Variants in SLC8A1 observed in about 807,000 individuals in gnomAD.
SLC8A1 encodes the protein solute carrier family 8 member A1.
A neutral mutation model predicts 68.3 loss-of-function variants in SLC8A1; 18 were observed. That is an observed-to-expected ratio of 0.26 (90% CI 0.18 to 0.39). SLC8A1 has a LOEUF of 0.39. Among genes scored for constraint, SLC8A1 ranks in the 10% least tolerant of loss-of-function variants. The pLI is 1.00. For synonymous variants in SLC8A1, 475 were observed against 415.5 expected (o/e 1.14, Z -1.74); for missense variants, 985 against 1,156.7 (o/e 0.85, Z 2.15).
chr2:40,313,481 G>A (rs1001154379), intron 2 of SLC8A1, among the ~76,000 whole-genome samples: 5 of 151,980 alleles, frequency 3.3e-5, no homozygotes, highest in Non-Finnish European at 5.9e-5. Flanking sequence ...TAAAAAAACG[G>A]TCTCCTAAGG....
intron 2 of SLC8A1, 67 bp from the exon 3 acceptor site, chr2:40,178,560 G>C (rs1371822201): frequency 7.3e-7 from 1 of 1,369,210 alleles, no homozygotes; most frequent in African/African-American, 1.4e-5. Flanking sequence ...ACATAGAGAA[G>C]AGGAAAGCAA....
chr2:40,408,015 A>G (rs1339566670), intron 2 of SLC8A1, among the ~76,000 whole-genome samples: 3 of 152,226 alleles, frequency 2.0e-5, no homozygotes, highest in Admixed American at 6.5e-5. Context: ...AGCATATCCC[A>G]TAAGTGATAA....
At chr2:40,227,078 G>T (rs2059076754) in intron 2 of SLC8A1, among the ~76,000 whole-genome samples, 1 of 151,958 alleles carries the variant, frequency 6.6e-6, no homozygotes, top group Admixed American at 6.6e-5. Flanking sequence ...TTTCCCCAGG[G>T]GATTTTCTTG....
At position 40,414,798 on chromosome 2, in the gene SLC8A1, G is replaced by T. The variant is rs997648883; in HGVS notation, c.1808+13675C>A. Among the ~76,000 whole-genome samples, 3 of 151,934 alleles carry T rather than the reference G, an allele frequency of 2.0e-5. 1 individual carries two copies. Among genetic ancestry groups the T allele is most frequent in the Admixed American group, 2.0e-4 (3 of 15,234 alleles). Reference sequence around the variant, plus strand: ...TAGCTAACTTGATTTGAATTAAATTGGTTTATGCCTACAGATCAATATTGT... The same window carrying T: ...TAGCTAACTTGATTTGAATTAAATTTGTTTATGCCTACAGATCAATATTGT... On this transcript the variant is annotated intron_variant, in intron 2 of 7. Coordinates refer to ENST00000406785, the Ensembl canonical transcript of SLC8A1.
chr2:40,123,146 G>C (rs886370100), intron 7 of SLC8A1: 40 of 152,184 alleles, frequency 2.6e-4, no homozygotes, highest in African/African-American at 9.7e-4. Context: ...ATGTTCACAG[G>C]TGTCCAAGAG....
intron 2 of SLC8A1, among the ~76,000 whole-genome samples, chr2:40,373,366 C>G (rs1678776995): frequency 6.6e-6 from 1 of 152,048 alleles, no homozygotes; most frequent in Non-Finnish European, 1.5e-5. Context: ...TAGATCATCA[C>G]AGTTGTGATT....
chr2:40,489,333 G>A (rs1339500991), intron 1 of SLC8A1, among the ~76,000 whole-genome samples: 1 of 152,078 alleles, frequency 6.6e-6, no homozygotes, highest in Non-Finnish European at 1.5e-5. Context: ...AAACCAAAAA[G>A]CATACGTGCA....
intron 2 of SLC8A1, among the ~76,000 whole-genome samples, chr2:40,342,269 T>C (rs1403477947): frequency 6.6e-6 from 1 of 152,166 alleles, no homozygotes; most frequent in African/African-American, 2.4e-5. Context: ...CTATATATAC[T>C]TAGCTCTGCA....
intron 2 of SLC8A1, among the ~76,000 whole-genome samples, chr2:40,347,754 C>T (rs529642712): frequency 5.9e-5 from 9 of 152,234 alleles, no homozygotes; most frequent in African/African-American, 1.7e-4. Flanking sequence ...GAAACAAACT[C>T]CAAGTTTTAA....
At chr2:40,294,441 G>T (rs1575139110) in intron 2 of SLC8A1, among the ~76,000 whole-genome samples, 1 of 152,058 alleles carries the variant, frequency 6.6e-6, no homozygotes, top group African/African-American at 2.4e-5. Context: ...CTAAGCTAGG[G>T]TTTGAATTCA....
intron 1 of SLC8A1, among the ~76,000 whole-genome samples, chr2:40,494,916 CT>C (rs199604606): frequency 0.017 from 2,504 of 151,408 alleles, 79 homozygotes; most frequent in African/African-American, 0.057. Flanking sequence ...TTATTTGCCC[CT>C]ATAACCCTAA....
chr2:40,115,417 T>C, exon 8 of SLC8A1: 1 of 1,614,076 alleles, frequency 6.2e-7, no homozygotes, highest in Non-Finnish European at 8.5e-7. Context: ...CCCACATTGA[T>C]GAAAGCAAAA....
At chr2:40,415,987 G>A (rs867457179) in intron 2 of SLC8A1, among the ~76,000 whole-genome samples, 25 of 150,642 alleles carry the variant, frequency 1.7e-4, no homozygotes, top group African/African-American at 3.9e-4. Flanking sequence ...GCTTGAACCC[G>A]GGAGGCGGAG....
intron 2 of SLC8A1, among the ~76,000 whole-genome samples, chr2:40,302,674 A>T (rs1169734848): frequency 6.6e-6 from 1 of 151,802 alleles, no homozygotes; most frequent in African/African-American, 2.4e-5. Flanking sequence ...ATGTTTTTGC[A>T]GTTGCAAATT....
At chr2:40,383,244 G>T (rs1401374322) in intron 2 of SLC8A1, among the ~76,000 whole-genome samples, 1 of 151,998 alleles carries the variant, frequency 6.6e-6, no homozygotes, top group East Asian at 1.9e-4. Flanking sequence ...ATTTGGAGAG[G>T]CTATTGTTTG....
intron 2 of SLC8A1, among the ~76,000 whole-genome samples, chr2:40,414,722 T>C (rs1693276059): frequency 6.6e-6 from 1 of 152,196 alleles, no homozygotes; most frequent in African/African-American, 2.4e-5. Context: ...ATAAATATGA[T>C]TAATTTGCCA....
chr2:40,348,568 G>A (rs979708406), intron 2 of SLC8A1, among the ~76,000 whole-genome samples: 4 of 152,174 alleles, frequency 2.6e-5, no homozygotes. Context: ...ATCAGCATAT[G>A]TTCCATCCCT....
intron 3 of SLC8A1, 72 bp from the exon 5 acceptor site, chr2:40,174,914 C>A: frequency 6.9e-7 from 1 of 1,455,924 alleles, no homozygotes; most frequent in Non-Finnish European, 9.6e-7. Flanking sequence ...TGACATCAGA[C>A]TGCCTGACAA....
intron 2 of SLC8A1, among the ~76,000 whole-genome samples, chr2:40,308,687 T>C (rs925596261): frequency 1.3e-5 from 2 of 152,058 alleles, no homozygotes; most frequent in African/African-American, 2.4e-5. Flanking sequence ...TCTAAAGGTG[T>C]ATTGGGCTCG....
Sources: gnomAD v4.1 joint callset for allele counts (sites outside exome capture counted in the v4.1 genomes callset) on GRCh38, gnomAD v4.1.1 for gene constraint, MANE v1.5 for transcripts, NCBI Gene and HGNC (gene_info 2026-07-23, HGNC 2026-07-21) for gene names.